The following NR6A1 variants were observed in gnomAD, a reference collection of about 807,000 sequenced individuals.
NR6A1 encodes the protein retinoic acid receptor-related testis-associated receptor.
In NR6A1, 7 loss-of-function variants were observed where a neutral mutation model predicts 59.1. The ratio of observed to expected loss-of-function variants is 0.12; its 90% CI spans 0.07 to 0.22. The LOEUF (loss-of-function observed/expected upper bound fraction) is 0.22. Among genes scored for constraint, NR6A1 ranks in the 10% least tolerant of loss-of-function variants. The pLI is 1.00. For synonymous variants in NR6A1, 243 were observed against 236.1 expected (o/e 1.03, Z -0.27); for missense variants, 468 against 611.6 (o/e 0.77, Z 2.48).
chr9:124,737,044 TG>T (rs1840039140), intron 1 of NR6A1, among the ~76,000 whole-genome samples: 1 of 152,190 alleles, frequency 6.6e-6, no homozygotes, highest in Non-Finnish European at 1.5e-5. Context: ...AGACCTGGGA[TG>T]GAACCCTAAT....
intron 2 of NR6A1, chr9:124,698,643 CTTTT>C (rs907850099): frequency 3.3e-5 from 5 of 152,202 alleles, no homozygotes; most frequent in African/African-American, 9.6e-5. Context: ...GAATTTTTAA[CTTTT>C]TTTATCAAAC....
chr9:124,753,449 T>A (rs953928968), intron 1 of NR6A1, among the ~76,000 whole-genome samples: 1 of 152,164 alleles, frequency 6.6e-6, no homozygotes, highest in African/African-American at 2.4e-5. Flanking sequence ...AAAAATTAAA[T>A]AAGCAATATA....
At chr9:124,721,410 T>G (rs1385989095) in intron 2 of NR6A1, among the ~76,000 whole-genome samples, 1 of 152,190 alleles carries the variant, frequency 6.6e-6, no homozygotes, top group African/African-American at 2.4e-5. Context: ...AAAGGCCACA[T>G]TCAGAAGGCT....
rs1015964759 is a variant in NR6A1, at chr9:124,568,784, G to C, written c.143-14214C>G. Among the ~76,000 whole-genome samples, 36 of 151,730 alleles carry C rather than the reference G, an allele frequency of 2.4e-4. 2 individuals carry two copies. The highest frequency in any genetic ancestry group is 8.3e-4 in the African/African-American group (34 of 41,030). Reference sequence around the variant, plus strand: ...ACATAAACTACCTCCTGTGAAGGTGGGGGAAGAGAAGGATGGTTGGTATGG... The same window carrying C: ...ACATAAACTACCTCCTGTGAAGGTGCGGGAAGAGAAGGATGGTTGGTATGG... On this transcript the variant is annotated intron_variant, in intron 2 of 9. Transcript: ENST00000487099.
intron 2 of NR6A1, among the ~76,000 whole-genome samples, chr9:124,578,569 T>A (rs2131451666): frequency 6.6e-6 from 1 of 152,350 alleles, no homozygotes; most frequent in Non-Finnish European, 1.5e-5. Context: ...AAATCTATTC[T>A]CAATCTCCAC....
chr9:124,587,794 C>T (rs781321956), intron 2 of NR6A1, among the ~76,000 whole-genome samples: 3 of 152,220 alleles, frequency 2.0e-5, no homozygotes, highest in Non-Finnish European at 2.9e-5. Flanking sequence ...CTCTTTTACA[C>T]ATTACATTCA....
rs539594082 is a variant in NR6A1, at chr9:124,751,532, C to A, written c.101-18183G>T. On this transcript the variant is annotated intron_variant, in intron 1 of 9. Coordinates refer to ENST00000487099, the MANE Select transcript of NR6A1 (RefSeq NM_033334.4). Reference sequence around the variant, plus strand: ...CCCTGAGCTAAGCTCTGGATTGAGACCCTGGAATCAAAGTGTCACCGAGCA... The same window carrying A: ...CCCTGAGCTAAGCTCTGGATTGAGAACCTGGAATCAAAGTGTCACCGAGCA... Among the ~76,000 whole-genome samples, 13 of 152,262 alleles carry A rather than the reference C, an allele frequency of 8.5e-5. No individual in the cohort carries two copies. In the South Asian group the frequency reaches 2.7e-3, roughly 32 times the overall value.
intron 1 of NR6A1, among the ~76,000 whole-genome samples, chr9:124,767,442 C>A (rs1225933621): frequency 6.6e-6 from 1 of 151,034 alleles, no homozygotes; most frequent in East Asian, 1.9e-4. Context: ...GCAAAATCAC[C>A]AGTGAATTTG....
rs10986374 is a variant in NR6A1 at position 124,600,468 on chromosome 9, G to T, written c.143-45898C>A. 1.8e-4 allele frequency among the ~76,000 whole-genome samples: 27 copies of T among 152,262 alleles called. No homozygotes were observed. The East Asian group carries it at 4.4e-3, about 25-fold the overall frequency. On this transcript the variant is annotated intron_variant, in intron 2 of 9. Transcript: ENST00000487099. ...TAGTTCAGGAAAAAACTCAAGGATT[G>T]GAAACTAAAATAAAATATTCCAGAA...
intron 2 of NR6A1, among the ~76,000 whole-genome samples, chr9:124,634,648 C>T (rs1243708904): frequency 2.0e-5 from 3 of 152,214 alleles, no homozygotes; most frequent in African/African-American, 4.8e-5. Flanking sequence ...GGTGAAACCC[C>T]GTCTCTACTA....
intron 7 of NR6A1, among the ~76,000 whole-genome samples, chr9:124,527,475 C>T (rs537196089): frequency 2.0e-5 from 3 of 152,296 alleles, no homozygotes; most frequent in South Asian, 2.1e-4. Flanking sequence ...GGGAGGAAAA[C>T]GTTAACTGAG....
chr9:124,718,893 C>G lies in NR6A1; in HGVS notation c.142+14415G>C, dbSNP rs1043265660. ...ACAGTGGCGCGATCTTGGCTCACTG[C>G]AGCCTCCACCTCCTGGGCTCAAGCG... On this transcript the variant is annotated intron_variant, in intron 2 of 9. Coordinates refer to ENST00000487099, the MANE Select transcript of NR6A1 (RefSeq NM_033334.4). Among the ~76,000 whole-genome samples the G allele has an allele frequency of 2.1e-5, 3 of 141,604 alleles. No individual in the cohort carries two copies. In the South Asian group the frequency reaches 6.9e-4, roughly 33 times the overall value. 92.9% of individuals were successfully genotyped at this position (141,604 alleles called of 152,430 possible). A position where few individuals can be genotyped will look rare whatever the true frequency, so the allele number is the denominator to read the frequency against.
At chr9:124,679,477 T>C (rs1838060163) in intron 2 of NR6A1, among the ~76,000 whole-genome samples, 1 of 152,202 alleles carries the variant, frequency 6.6e-6, no homozygotes, top group Non-Finnish European at 1.5e-5. Context: ...CCTGATTATC[T>C]TGTCATAAAA....
At chr9:124,599,584 G>A in intron 2 of NR6A1, 1 of 1,137,144 alleles carries the variant, frequency 8.8e-7, no homozygotes. Context: ...CCGCCATGAG[G>A]GCGCGGCGGC....
At chr9:124,620,823 A>AG (rs1836048307) in intron 2 of NR6A1, among the ~76,000 whole-genome samples, 1 of 151,518 alleles carries the variant, frequency 6.6e-6, no homozygotes, top group Admixed American at 6.6e-5. Flanking sequence ...AAAAAAAAAA[A>AG]GGTTTAAAAA....
intron 4 of NR6A1, 128 bp downstream of exon 4, chr9:124,543,672 CTT>C: frequency 1.6e-6 from 1 of 639,704 alleles, no homozygotes; most frequent in Non-Finnish European, 2.6e-6. Context: ...TGTAAAAGCA[CTT>C]TTACAGAAAT....
chr9:124,567,416 A>C (rs941590292), intron 2 of NR6A1, among the ~76,000 whole-genome samples: 1 of 152,206 alleles, frequency 6.6e-6, no homozygotes, highest in Non-Finnish European at 1.5e-5. Flanking sequence ...ATTATCAGAA[A>C]GATAAGGGAC....
At chr9:124,526,961 C>T in intron 7 of NR6A1, 61 bp from the exon 8 acceptor site, 1 of 1,599,776 alleles carries the variant, frequency 6.3e-7, no homozygotes, top group Non-Finnish European at 8.6e-7. Context: ...CAGGAAAGGG[C>T]AGCCAGAGAG....
Position 124,606,805 on chromosome 9 carries a change from C to CA in NR6A1, c.143-52236dup. On this transcript the variant is annotated intron_variant, in intron 2 of 9. Transcript: ENST00000487099. ...CACCCGCTGGCAGCTTGTCTGACCC[C>CA]AAAGGCCATGGGCACCTCCCTGTCA... Among the ~76,000 whole-genome samples, 2 of 152,158 alleles carry CA rather than the reference C, an allele frequency of 1.3e-5. 1 individual carries two copies. Among genetic ancestry groups the CA allele is most frequent in the South Asian group, 4.1e-4 (2 of 4,834 alleles).
Sources: allele counts gnomAD v4.1 joint callset (sites outside exome capture counted in the v4.1 genomes callset), GRCh38; gene constraint gnomAD v4.1.1; transcripts MANE v1.5; gene names NCBI Gene and HGNC (gene_info 2026-07-23, HGNC 2026-07-21).